SOX5: variants seen among roughly 807,000 people sequenced by gnomAD.
SOX5 encodes SRY-box transcription factor 5.
In SOX5, 9 loss-of-function variants were observed where a neutral mutation model predicts 92.0. The ratio of observed to expected loss-of-function variants is 0.10; its 90% CI spans 0.06 to 0.17. The LOEUF is 0.17. Among genes scored for constraint, SOX5 ranks in the 10% least tolerant of loss-of-function variants. The probability of loss-of-function intolerance (pLI) is 1.00; values close to 1 mark genes in which losing one functional copy is unlikely to be tolerated. For missense variants in SOX5, 642 were observed against 944.5 expected (o/e 0.68, Z 4.20); for synonymous variants, 344 against 336.3 (o/e 1.02, Z -0.25).
intron 2 of SOX5, among the ~76,000 whole-genome samples, chr12:24,303,206 T>G (rs1948185935): frequency 6.6e-6 from 1 of 152,176 alleles, no homozygotes; most frequent in South Asian, 2.1e-4. Flanking sequence ...CACATAAAAT[T>G]TTTAAAATAT....
rs17416234 is a variant in SOX5, at chr12:24,327,267, T to A, written c.-174+41296A>T. Among the ~76,000 whole-genome samples, 510 of 152,254 alleles carry A rather than the reference T, an allele frequency of 3.3e-3. 14 individuals carry two copies. Among genetic ancestry groups the A allele is most frequent in the Non-Finnish European group, 4.2e-3 (285 of 68,030 alleles). On this transcript the variant is annotated intron_variant, in intron 2 of 4. Coordinates refer to the SOX5 transcript ENST00000446891. ...TCATGGGAAACTAACTTAAGATTTA[T>A]CTTGTATTGAGTTATCCCAGTGTTT...
At chr12:23,633,594 A>G (rs1225333760) in intron 8 of SOX5, among the ~76,000 whole-genome samples, 1 of 152,086 alleles carries the variant, frequency 6.6e-6, no homozygotes, top group East Asian at 1.9e-4. Flanking sequence ...GGTAAAAAAG[A>G]GTACTTGAGG....
chr12:24,301,982 T>A (rs896062989), intron 2 of SOX5, among the ~76,000 whole-genome samples: 29 of 152,280 alleles, frequency 1.9e-4, no homozygotes, highest in African/African-American at 6.7e-4. Flanking sequence ...TATGTTCACA[T>A]ATATGAATAC....
intron 6 of SOX5, among the ~76,000 whole-genome samples, chr12:23,687,361 A>T (rs545166524): frequency 6.6e-6 from 1 of 152,038 alleles, no homozygotes; most frequent in Non-Finnish European, 1.5e-5. Context: ...ATATATGTGT[A>T]TACGGTGTCA....
At chr12:24,540,010 C>T (rs1951974944) in intron 1 of SOX5, among the ~76,000 whole-genome samples, 1 of 151,920 alleles carries the variant, frequency 6.6e-6, no homozygotes, top group South Asian at 2.1e-4. Context: ...ATGAAAATTC[C>T]AAGTGCTATG....
At chr12:23,863,208 G>A (rs1336246495) in intron 2 of SOX5, among the ~76,000 whole-genome samples, 1 of 152,072 alleles carries the variant, frequency 6.6e-6, no homozygotes, top group Non-Finnish European at 1.5e-5. Flanking sequence ...ACTGTAACAT[G>A]GGTTAGCTAA....
chr12:24,008,939 T>C lies in SOX5; in HGVS notation c.-1-112915A>G, dbSNP rs1015499429. The stretch of plus-strand genomic sequence containing the variant: ...TTCCAAGGCTAGGTCATAATACATC[T>C]TGCAGCTTTTACCAATGTCTTCTGA... On this transcript the variant is annotated intron_variant, in intron 4 of 4. Coordinates refer to the SOX5 transcript ENST00000446891. 1.3e-4 allele frequency among the ~76,000 whole-genome samples: 20 copies of C among 152,344 alleles called. 1 individual carries two copies. Among genetic ancestry groups the C allele is most frequent in the Admixed American group, 7.2e-4 (11 of 15,296 alleles).
At chr12:23,651,941 A>G (rs900323269) in intron 7 of SOX5, among the ~76,000 whole-genome samples, 4 of 151,962 alleles carry the variant, frequency 2.6e-5, no homozygotes, top group African/African-American at 9.7e-5. Flanking sequence ...AAATACCAAC[A>G]TAAGCAATTT....
intron 4 of SOX5, among the ~76,000 whole-genome samples, chr12:24,029,458 A>G (rs1344837251): frequency 6.6e-6 from 1 of 151,634 alleles, no homozygotes; most frequent in Admixed American, 6.6e-5. Flanking sequence ...AGTTTTTTGT[A>G]CAGATGAGAC....
At chr12:23,889,493 A>C (rs1261780889) in intron 2 of SOX5, among the ~76,000 whole-genome samples, 1 of 152,238 alleles carries the variant, frequency 6.6e-6, no homozygotes, top group East Asian at 1.9e-4. Flanking sequence ...GTATTTCAAG[A>C]CATAGCTATA....
intron 1 of SOX5, among the ~76,000 whole-genome samples, chr12:24,533,904 C>T (rs528248861): frequency 5.9e-5 from 9 of 152,222 alleles, no homozygotes; most frequent in South Asian, 4.1e-4. Context: ...TTAGTGTGCA[C>T]GCTGTGAATG....
chr12:23,957,613 C>T (rs1313973485), intron 4 of SOX5, among the ~76,000 whole-genome samples: 1 of 152,148 alleles, frequency 6.6e-6, no homozygotes, highest in Admixed American at 6.5e-5. Flanking sequence ...TTCAAGAAAA[C>T]CTAGTTGTTA....
intron 3 of SOX5, among the ~76,000 whole-genome samples, chr12:24,222,965 C>T (rs1019519872): frequency 1.1e-4 from 17 of 152,116 alleles, no homozygotes; most frequent in African/African-American, 3.1e-4. Context: ...TACAACTGTC[C>T]GGCACCCCAT....
intron 3 of SOX5, among the ~76,000 whole-genome samples, chr12:24,270,625 CTT>C (rs1361362251): frequency 1.3e-5 from 2 of 152,228 alleles, no homozygotes; most frequent in Non-Finnish European, 2.9e-5. Context: ...GGCACTCTCT[CTT>C]GAGTTAGAAG....
At position 24,148,481 on chromosome 12, in the gene SOX5, C is replaced by CA. The variant is rs34951170; in HGVS notation, c.-2+64861dup. Among the ~76,000 whole-genome samples the CA allele has an allele frequency of 2.6e-3, 139 of 53,486 alleles. 1 individual carries two copies. The highest frequency in any genetic ancestry group is 3.6e-3 in the African/African-American group (45 of 12,638). The allele number at this position is 53,486 out of a possible 152,430, so 35.1% of individuals were successfully genotyped here. ...CTGCACTCCAGCCTAGGCTCCATGT[C>CA]AAAAAAAAAAAAAAAAAAAAAAAGA... is the stretch of plus-strand genomic sequence containing the variant. On this transcript the variant is annotated intron_variant, in intron 4 of 4. Transcript: ENST00000446891.
chr12:24,101,987 C>T (rs779851871), intron 4 of SOX5, among the ~76,000 whole-genome samples: 5 of 152,140 alleles, frequency 3.3e-5, no homozygotes, highest in Non-Finnish European at 5.9e-5. Context: ...CAAAGGATTT[C>T]CTTTAAGTAC....
chr12:24,541,737 T>C (rs1952147607), intron 1 of SOX5, among the ~76,000 whole-genome samples: 1 of 152,206 alleles, frequency 6.6e-6, no homozygotes, highest in African/African-American at 2.4e-5. Flanking sequence ...CCTATTGTTT[T>C]GAGAACATAA....
At chr12:23,653,449 T>C (rs544248904) in intron 7 of SOX5, among the ~76,000 whole-genome samples, 1 of 152,244 alleles carries the variant, frequency 6.6e-6, no homozygotes, top group South Asian at 2.1e-4. Flanking sequence ...GTAATTCCTT[T>C]TCCAAAGACT....
At chr12:24,141,667 A>G (rs1398752489) in intron 4 of SOX5, among the ~76,000 whole-genome samples, 1 of 152,064 alleles carries the variant, frequency 6.6e-6, no homozygotes, top group African/African-American at 2.4e-5. Flanking sequence ...AATACACACA[A>G]ATGAAAAGAT....
Sources: gnomAD v4.1 joint callset for allele counts (sites outside exome capture counted in the v4.1 genomes callset) on GRCh38, gnomAD v4.1.1 for gene constraint, MANE v1.5 for transcripts, NCBI Gene and HGNC (gene_info 2026-07-23, HGNC 2026-07-21) for gene names.